Variants in PRKCI observed in about 807,000 individuals in gnomAD.
The protein encoded by PRKCI is protein kinase C iota type.
A neutral mutation model predicts 84.0 loss-of-function variants in PRKCI; 43 were observed. That is an observed-to-expected ratio of 0.51 (90% CI 0.40 to 0.66). PRKCI has a LOEUF of 0.66. Among genes scored for constraint, PRKCI ranks in the 30% least tolerant of loss-of-function variants. PRKCI has a pLI of 0.00. For synonymous variants in PRKCI, 216 were observed against 234.4 expected (o/e 0.92, Z 0.72); for missense variants, 459 against 745.6 (o/e 0.62, Z 4.48).
At chr3:170,281,115 C>A in intron 9 of PRKCI, 51 bp from the exon 10 acceptor site, 1 of 1,456,716 alleles carries the variant, frequency 6.9e-7, no homozygotes. Context: ...GCAAATTTAT[C>A]ATTAATTGTG....
intron 11 of PRKCI, among the ~76,000 whole-genome samples, chr3:170,282,696 CAAAA>C (rs113109044): frequency 2.9e-5 from 3 of 101,874 alleles, no homozygotes; most frequent in Non-Finnish European, 4.1e-5. Flanking sequence ...GACTCTGTCT[CAAAA>C]AAAAAAAAAA....
intron 6 of PRKCI, among the ~76,000 whole-genome samples, chr3:170,271,021 T>C (rs1332546264): frequency 6.6e-6 from 1 of 151,636 alleles, no homozygotes. Context: ...ATTTTAAATA[T>C]ATAAAACATG....
intron 16 of PRKCI, among the ~76,000 whole-genome samples, chr3:170,298,694 C>T (rs1734746612): frequency 6.6e-6 from 1 of 152,186 alleles, no homozygotes; most frequent in Non-Finnish European, 1.5e-5. Flanking sequence ...GCGTGAGCCA[C>T]TGCACCCAGC....
At chr3:170,256,055 T>C (rs1223527408) in intron 2 of PRKCI, among the ~76,000 whole-genome samples, 1 of 152,018 alleles carries the variant, frequency 6.6e-6, no homozygotes, top group Non-Finnish European at 1.5e-5. Context: ...GAATGATCTT[T>C]TTAATGTGTT....
At chr3:170,229,461 G>A (rs969434006) in intron 1 of PRKCI, among the ~76,000 whole-genome samples, 16 of 152,126 alleles carry the variant, frequency 1.1e-4, no homozygotes, top group African/African-American at 3.4e-4. Context: ...ATTAGCTCAC[G>A]CCACTAGGCT....
intron 2 of PRKCI, among the ~76,000 whole-genome samples, chr3:170,247,584 G>A (rs552987062): frequency 2.6e-5 from 4 of 151,668 alleles, no homozygotes; most frequent in Non-Finnish European, 4.4e-5. Context: ...TACAAAATTA[G>A]CTGGGTGTGG....
chr3:170,257,733 C>T (rs989032837), intron 2 of PRKCI, among the ~76,000 whole-genome samples: 2 of 148,800 alleles, frequency 1.3e-5, no homozygotes, highest in Non-Finnish European at 1.5e-5. Context: ...GGTGTGATCT[C>T]GGTTCGCTGC....
At position 170,239,024 on chromosome 3, in the gene PRKCI, A is replaced by G. The variant is rs970145493; in HGVS notation, c.223+3673A>G. On this transcript the variant is annotated intron_variant, in intron 2 of 17. Coordinates refer to ENST00000295797, the MANE Select transcript of PRKCI (RefSeq NM_002740.6). ...GCTGGGATTACAGGTGTGAGCCACTATGTCAAAACATATGTATATCAAAAC... is the reference window on the plus strand; with the variant it reads ...GCTGGGATTACAGGTGTGAGCCACTGTGTCAAAACATATGTATATCAAAAC... 3.3e-5 allele frequency among the ~76,000 whole-genome samples: 5 copies of G among 152,250 alleles called. No individual in the cohort carries two copies. The South Asian group carries it at 1.0e-3, about 31-fold the overall frequency.
chr3:170,293,353 A>G (rs560989464), intron 13 of PRKCI, 30 bp from the exon 14 acceptor site: 3 of 1,587,234 alleles, frequency 1.9e-6, no homozygotes. Context: ...CAAAGTGTAT[A>G]ATTTATTGCT....
At position 170,300,611 on chromosome 3, in the gene PRKCI, T is replaced by A. The variant is rs1045709380; in HGVS notation, c.1703+1501T>A. ...AAAAAAAAAAGTTAATAGATGTTCATGGTCAAAGAAAAATAAATACACAGC... is the reference window on the plus strand; with the variant it reads ...AAAAAAAAAAGTTAATAGATGTTCAAGGTCAAAGAAAAATAAATACACAGC... On this transcript the variant is annotated intron_variant, in intron 17 of 17. Transcript: ENST00000295797. 1.4e-4 allele frequency among the ~76,000 whole-genome samples: 21 copies of A among 151,458 alleles called. No individual in the cohort carries two copies. In the East Asian group the frequency reaches 1.5e-3, roughly 11 times the overall value.
intron 5 of PRKCI, among the ~76,000 whole-genome samples, chr3:170,268,529 A>AT (rs1462845731): frequency 1.3e-5 from 2 of 152,120 alleles, no homozygotes; most frequent in African/African-American, 4.8e-5. Flanking sequence ...ATTCCACATA[A>AT]TATACCCTAG....
chr3:170,276,080 T>C (rs1171978022), intron 8 of PRKCI, among the ~76,000 whole-genome samples: 1 of 151,838 alleles, frequency 6.6e-6, no homozygotes, highest in African/African-American at 2.4e-5. Flanking sequence ...ACTATAGCCC[T>C]GTGCCACCAC....
chr3:170,276,508 G>A (rs185952683), intron 8 of PRKCI, among the ~76,000 whole-genome samples: 110 of 149,804 alleles, frequency 7.3e-4, no homozygotes, highest in African/African-American at 2.4e-3. Context: ...ACAGGCACCC[G>A]TGCAGTGGTG....
intron 2 of PRKCI, among the ~76,000 whole-genome samples, chr3:170,248,589 G>A (rs993507558): frequency 1.3e-5 from 2 of 152,136 alleles, no homozygotes; most frequent in African/African-American, 2.4e-5. Flanking sequence ...GTTTTATCAA[G>A]CATTAAGCAG....
intron 2 of PRKCI, among the ~76,000 whole-genome samples, chr3:170,244,413 C>T (rs1046852707): frequency 2.0e-5 from 3 of 152,150 alleles, no homozygotes; most frequent in Non-Finnish European, 4.4e-5. Context: ...GCTTCCTGCT[C>T]GGTGAACAAA....
At chr3:170,290,644 TCTC>T (rs577843772) in intron 12 of PRKCI, among the ~76,000 whole-genome samples, 3 of 152,306 alleles carry the variant, frequency 2.0e-5, no homozygotes, top group South Asian at 2.1e-4. Flanking sequence ...CATATTAACT[TCTC>T]CTATTATGAT....
chr3:170,257,871 C>T (rs1459872765), intron 2 of PRKCI, among the ~76,000 whole-genome samples: 1 of 151,922 alleles, frequency 6.6e-6, no homozygotes, highest in African/African-American at 2.4e-5. Flanking sequence ...ACCATGTTGG[C>T]CAGGCTGGTC....
intron 4 of PRKCI, among the ~76,000 whole-genome samples, chr3:170,267,488 A>T (rs1258556049): frequency 6.6e-6 from 1 of 152,066 alleles, no homozygotes; most frequent in African/African-American, 2.4e-5. Context: ...AGCCTGACCA[A>T]CATGGAGAAA....
chr3:170,254,044 C>G (rs1013118514), intron 2 of PRKCI, among the ~76,000 whole-genome samples: 1 of 151,534 alleles, frequency 6.6e-6, no homozygotes, highest in African/African-American at 2.4e-5. Flanking sequence ...TTGCAGTGAG[C>G]CAAGATTACG....
Sources: gnomAD v4.1 joint callset for allele counts (sites outside exome capture counted in the v4.1 genomes callset) on GRCh38, gnomAD v4.1.1 for gene constraint, MANE v1.5 for transcripts, NCBI Gene and HGNC (gene_info 2026-07-23, HGNC 2026-07-21) for gene names.